Variants in LRCH1 observed in about 807,000 individuals in gnomAD.
LRCH1 encodes the protein leucine-rich repeat and calponin homology domain-containing protein 1.
LRCH1 carries 23 observed loss-of-function variants against 94.9 expected under a neutral mutation model. That is an observed-to-expected ratio of 0.24 (90% CI 0.17 to 0.34). The LOEUF (loss-of-function observed/expected upper bound fraction) is 0.34, where lower values mean the gene tolerates loss of function less well. Among genes scored for constraint, LRCH1 ranks in the 10% least tolerant of loss-of-function variants. The pLI is 1.00. For synonymous variants in LRCH1, 364 were observed against 354.9 expected, an observed-to-expected ratio of 1.03 and a Z score of -0.29; for missense variants, 790 against 945.9, an observed-to-expected ratio of 0.84 and a Z score of 2.16.
chr13:46,607,009 G>A (rs2137994400), intron 1 of LRCH1, among the ~76,000 whole-genome samples: 1 of 152,320 alleles, frequency 6.6e-6, no homozygotes, highest in East Asian at 1.9e-4. Context: ...GCCTTTACTG[G>A]GTTTTTATGG....
chr13:46,701,065 AT>A, intron 10 of LRCH1, 55 bp from the exon 11 acceptor site: 1 of 1,037,530 alleles, frequency 9.6e-7, no homozygotes, highest in Admixed American at 2.0e-5. Context: ...AAGAAATTAG[AT>A]GATATTCATG....
At chr13:46,627,642 G>A (rs1215707494) in intron 1 of LRCH1, among the ~76,000 whole-genome samples, 2 of 152,146 alleles carry the variant, frequency 1.3e-5, no homozygotes, top group African/African-American at 2.4e-5. Flanking sequence ...ATGCACACAC[G>A]TATGGCAAAG....
At chr13:46,616,969 A>G (rs534811987) in intron 1 of LRCH1, among the ~76,000 whole-genome samples, 37 of 152,344 alleles carry the variant, frequency 2.4e-4, no homozygotes, top group African/African-American at 8.9e-4. Context: ...TACAAAGTAC[A>G]TTGATCAGTT....
At chr13:46,660,034 CTT>C (rs767544799) in intron 2 of LRCH1, among the ~76,000 whole-genome samples, 11 of 103,634 alleles carry the variant, frequency 1.1e-4, no homozygotes, top group South Asian at 3.5e-4. Flanking sequence ...TTAGGAGTCA[CTT>C]TTTTTTTTTT....
intron 1 of LRCH1, among the ~76,000 whole-genome samples, chr13:46,575,510 A>ATGTGTGTGTGTGTGTGTG (rs59582784): frequency 4.9e-4 from 70 of 143,368 alleles, no homozygotes; most frequent in South Asian, 4.4e-3. Flanking sequence ...CTGTGCATGA[A>ATGTGTGTGTGTGTGTGTG]TGTGTGTGTG....
chr13:46,676,262 G>A (rs1339124481), intron 3 of LRCH1, among the ~76,000 whole-genome samples: 1 of 151,370 alleles, frequency 6.6e-6, no homozygotes, highest in East Asian at 1.9e-4. Flanking sequence ...GTCTCGGTGG[G>A]GTGGGGGGAA....
chr13:46,634,158 G>C (rs762218352), intron 1 of LRCH1, among the ~76,000 whole-genome samples: 1 of 152,178 alleles, frequency 6.6e-6, no homozygotes, highest in Non-Finnish European at 1.5e-5. Flanking sequence ...GATTACAGGC[G>C]TGAGCCACCG....
intron 2 of LRCH1, among the ~76,000 whole-genome samples, chr13:46,650,738 A>G (rs924283479): frequency 5.4e-5 from 8 of 147,638 alleles, no homozygotes; most frequent in South Asian, 2.2e-4. Context: ...AAAAAAAAAA[A>G]AAAAGAGAAA....
chr13:46,574,425 A>G (rs990522904), intron 1 of LRCH1, among the ~76,000 whole-genome samples: 7 of 152,220 alleles, frequency 4.6e-5, no homozygotes, highest in African/African-American at 1.4e-4. Context: ...AGTCAAGTGA[A>G]GGAGAAGTCT....
intron 1 of LRCH1, among the ~76,000 whole-genome samples, chr13:46,615,312 G>A (rs1442080868): frequency 6.6e-6 from 1 of 152,172 alleles, no homozygotes; most frequent in Non-Finnish European, 1.5e-5. Context: ...GCGAAAGAGG[G>A]AGCAAGAGAG....
chr13:46,717,729 T>C (rs1321681099), intron 16 of LRCH1: 2 of 152,236 alleles, frequency 1.3e-5, no homozygotes, highest in East Asian at 3.8e-4. Context: ...TACATTTAGT[T>C]ATTATTTTTG....
chr13:46,598,082 A>C (rs986111475), intron 1 of LRCH1, among the ~76,000 whole-genome samples: 3 of 152,144 alleles, frequency 2.0e-5, no homozygotes, highest in Non-Finnish European at 4.4e-5. Flanking sequence ...GGAGTTCAAG[A>C]CTAGCCTGGC....
At chr13:46,613,266 T>C (rs2050767249) in intron 1 of LRCH1, among the ~76,000 whole-genome samples, 1 of 151,988 alleles carries the variant, frequency 6.6e-6, no homozygotes, top group Non-Finnish European at 1.5e-5. Flanking sequence ...GGCACGTGCC[T>C]GTAGTCCCAG....
chr13:46,704,866 G>A (rs1199205324), intron 11 of LRCH1, among the ~76,000 whole-genome samples: 1 of 151,994 alleles, frequency 6.6e-6, no homozygotes, highest in Non-Finnish European at 1.5e-5. Flanking sequence ...ATTACCAATA[G>A]CAGATGGAAT....
At chr13:46,556,252 C>A (rs1198698538) in intron 1 of LRCH1, among the ~76,000 whole-genome samples, 1 of 152,176 alleles carries the variant, frequency 6.6e-6, no homozygotes, top group African/African-American at 2.4e-5. Context: ...TGGCAGCCAC[C>A]TGTGCAGAAC....
At chr13:46,688,079 G>A in intron 6 of LRCH1, 100 bp downstream of exon 6, 1 of 1,225,822 alleles carries the variant, frequency 8.2e-7, no homozygotes, top group Non-Finnish European at 1.1e-6. Flanking sequence ...AGTCACCATG[G>A]TATCTGCAGA....
downstream of LRCH1, among the ~76,000 whole-genome samples, chr13:46,746,971 A>T (rs187526581): frequency 1.8e-4 from 28 of 152,226 alleles, no homozygotes; most frequent in African/African-American, 5.5e-4. Context: ...CAATCCTGTG[A>T]TAGAATAACC....
At chr13:46,601,358 G>A (rs1016105589) in intron 1 of LRCH1, among the ~76,000 whole-genome samples, 1 of 152,204 alleles carries the variant, frequency 6.6e-6, no homozygotes, top group African/African-American at 2.4e-5. Flanking sequence ...TTAGAGGGTA[G>A]AGACTGTTGT....
At chr13:46,629,394 G>A (rs1566186891) in intron 1 of LRCH1, among the ~76,000 whole-genome samples, 2 of 152,168 alleles carry the variant, frequency 1.3e-5, no homozygotes, top group African/African-American at 2.4e-5. Context: ...GTTCTTGTGT[G>A]CCAATCAAAA....
Sources: allele counts gnomAD v4.1 joint callset (sites outside exome capture counted in the v4.1 genomes callset), GRCh38; gene constraint gnomAD v4.1.1; transcripts MANE v1.5; gene names NCBI Gene and HGNC (gene_info 2026-07-23, HGNC 2026-07-21).